Variants in PDE1C observed in about 807,000 individuals in gnomAD.
PDE1C encodes the protein phosphodiesterase 1C.
A neutral mutation model predicts 93.1 loss-of-function variants in PDE1C; 62 were observed. That is an observed-to-expected ratio of 0.67 (90% CI 0.54 to 0.82). PDE1C has a LOEUF of 0.82. Ranked by LOEUF, PDE1C falls within the 40% of genes least tolerant of loss-of-function variation. PDE1C has a pLI of 0.00. For missense variants in PDE1C, 742 were observed against 884.6 expected (o/e 0.84, Z 2.04); for synonymous variants, 325 against 310.1 (o/e 1.05, Z -0.50).
chr7:32,171,318 T>C (rs1405784585), intron 2 of PDE1C, among the ~76,000 whole-genome samples: 1 of 151,908 alleles, frequency 6.6e-6, no homozygotes, highest in African/African-American at 2.4e-5. Flanking sequence ...CCCGTGCTCT[T>C]CAAAACAGTC....
At chr7:32,210,475 A>G (rs1805940777) in intron 1 of PDE1C, among the ~76,000 whole-genome samples, 3 of 152,256 alleles carry the variant, frequency 2.0e-5, no homozygotes, top group Admixed American at 2.0e-4. Context: ...AAGTTGCAGC[A>G]AAAGGACAAA....
chr7:32,307,889 G>C (rs1000290202), intron 1 of PDE1C, among the ~76,000 whole-genome samples: 1 of 152,254 alleles, frequency 6.6e-6, no homozygotes, highest in Non-Finnish European at 1.5e-5. Flanking sequence ...GTGCAGGACA[G>C]TGGGTGCAGC....
intron 1 of PDE1C, among the ~76,000 whole-genome samples, chr7:32,354,138 G>GA (rs1229413919): frequency 3.9e-5 from 6 of 152,134 alleles, no homozygotes; most frequent in East Asian, 1.9e-4. Flanking sequence ...AAAACCCCCA[G>GA]AAAAAACTTA....
At position 32,240,685 on chromosome 7, in the gene PDE1C, C is replaced by A. The variant is rs146001659; in HGVS notation, c.86-31146G>T. 1.1e-4 allele frequency among the ~76,000 whole-genome samples: 16 copies of A among 152,156 alleles called. No individual in the cohort carries two copies. In the East Asian group the frequency reaches 2.3e-3, roughly 22 times the overall value. ...CTGAATGAGAGAGCTAGGAACAAGACAAGATGGGGTCCTCCAGACCATAGA... is the reference window on the plus strand; with the variant it reads ...CTGAATGAGAGAGCTAGGAACAAGAAAAGATGGGGTCCTCCAGACCATAGA... On this transcript the variant is annotated intron_variant, in intron 1 of 18. Coordinates refer to the PDE1C transcript ENST00000396193.
At chr7:31,778,536 T>C (rs183030285) in intron 16 of PDE1C, among the ~76,000 whole-genome samples, 30 of 152,296 alleles carry the variant, frequency 2.0e-4, no homozygotes, top group Admixed American at 5.9e-4. Context: ...TCCCTAGTCA[T>C]GACGATCATA....
chr7:32,103,580 C>T (rs780069461), intron 3 of PDE1C, among the ~76,000 whole-genome samples: 1 of 152,184 alleles, frequency 6.6e-6, no homozygotes, highest in Non-Finnish European at 1.5e-5. Context: ...TAAAAAGTTG[C>T]TCAACTGCCC....
chr7:32,247,376 T>C (rs570777378), intron 1 of PDE1C, among the ~76,000 whole-genome samples: 1 of 148,050 alleles, frequency 6.8e-6, no homozygotes, highest in Non-Finnish European at 1.5e-5. Context: ...ATGCCCAGGA[T>C]AAGGAATGAT....
intron 2 of PDE1C, among the ~76,000 whole-genome samples, chr7:31,983,781 A>G (rs1434909488): frequency 1.3e-5 from 2 of 152,202 alleles, no homozygotes; most frequent in African/African-American, 4.8e-5. Context: ...CTGATTTATC[A>G]TTCCACCACT....
intron 2 of PDE1C, among the ~76,000 whole-genome samples, chr7:31,888,306 T>G (rs180983077): frequency 1.3e-5 from 2 of 149,904 alleles, no homozygotes; most frequent in Admixed American, 6.7e-5. Context: ...AGTGATCTCG[T>G]TATGCACCTC....
the PDE1C span, among the ~76,000 whole-genome samples, chr7:31,714,334 C>T: frequency 6.6e-6 from 1 of 152,182 alleles, no homozygotes; most frequent in Non-Finnish European, 1.5e-5. Context: ...CCATCTCAGA[C>T]CACCTTGGAC....
rs187170083 is a variant in PDE1C, at chr7:31,983,007, C to A, written c.128+68547G>T. On this transcript the variant is annotated intron_variant, in intron 2 of 17. Coordinates refer to ENST00000396191, the MANE Select transcript of PDE1C (RefSeq NM_001191057.4). ...ATAGCTCTTCTGAATGAACAAAATG[C>A]AACTGGTACAGACTTAAAATCGTTA... is the stretch of plus-strand genomic sequence containing the variant. Among the ~76,000 whole-genome samples the A allele has an allele frequency of 3.9e-5, 6 of 152,298 alleles. No homozygotes were observed. The East Asian group carries it at 1.2e-3, about 29-fold the overall frequency.
At chr7:32,059,877 G>A (rs896175477) in intron 1 of PDE1C, among the ~76,000 whole-genome samples, 3 of 152,174 alleles carry the variant, frequency 2.0e-5, no homozygotes, top group Non-Finnish European at 4.4e-5. Context: ...AACTGATTTA[G>A]TCCTCTATTC....
intron 3 of PDE1C, among the ~76,000 whole-genome samples, chr7:32,154,405 C>T (rs1297916031): frequency 1.3e-5 from 2 of 152,002 alleles, no homozygotes; most frequent in African/African-American, 4.8e-5. Context: ...ACAGAGAGGT[C>T]CCAGGTACGC....
chr7:31,899,237 C>T (rs575798701), intron 2 of PDE1C, among the ~76,000 whole-genome samples: 1 of 147,382 alleles, frequency 6.8e-6, no homozygotes, highest in East Asian at 2.1e-4. Context: ...CTACCTGGTT[C>T]ACACCATTCT....
At chr7:31,746,971 G>A (rs1027741485), downstream of PDE1C, among the ~76,000 whole-genome samples, 2 of 152,282 alleles carry the variant, frequency 1.3e-5, no homozygotes, top group Middle Eastern at 3.4e-3. Flanking sequence ...TCCTAGAAAG[G>A]TAGGTAGGTC....
chr7:32,250,598 C>T (rs780839908), intron 1 of PDE1C, among the ~76,000 whole-genome samples: 16 of 152,168 alleles, frequency 1.1e-4, no homozygotes, highest in Non-Finnish European at 1.8e-4. Context: ...TCTCTAATGT[C>T]GTGAGGACTA....
chr7:32,288,459 C>T (rs1812139336), intron 1 of PDE1C, among the ~76,000 whole-genome samples: 1 of 152,194 alleles, frequency 6.6e-6, no homozygotes, highest in Non-Finnish European at 1.5e-5. Flanking sequence ...ACCTTTTAAA[C>T]ACTTTTCACT....
Position 32,015,022 on chromosome 7 carries a change from A to G in PDE1C, c.128+36532T>C, listed in dbSNP as rs193217935. Among the ~76,000 whole-genome samples, 4 of 152,066 alleles carry G rather than the reference A, an allele frequency of 2.6e-5. No homozygotes were observed. The East Asian group carries it at 7.8e-4, about 30-fold the overall frequency. ...TTCTCATGTTCTCAGTTCTCACAAG[A>G]TCTGATGGTTTCACAAAGGGCTCTT... On this transcript the variant is annotated intron_variant, in intron 2 of 17. Coordinates refer to ENST00000396191, the MANE Select transcript of PDE1C (RefSeq NM_001191057.4).
At position 32,020,352 on chromosome 7, in the gene PDE1C, A is replaced by C. The variant is rs920624060; in HGVS notation, c.128+31202T>G. On this transcript the variant is annotated intron_variant, in intron 2 of 17. Transcript: ENST00000396191. ...ACTCTGGTTGGTCAAGGGACCAAAA[A>C]TAGACATATAGAAATTCTTCATATT... 2.0e-5 allele frequency among the ~76,000 whole-genome samples: 3 copies of C among 152,250 alleles called. No homozygotes were observed. In the East Asian group the frequency reaches 5.8e-4, roughly 29 times the overall value.
Sources: gnomAD v4.1 joint callset for allele counts (sites outside exome capture counted in the v4.1 genomes callset) on GRCh38, gnomAD v4.1.1 for gene constraint, MANE v1.5 for transcripts, NCBI Gene and HGNC (gene_info 2026-07-23, HGNC 2026-07-21) for gene names.